SLCO6A1: variants seen among roughly 807,000 people sequenced by gnomAD.
SLCO6A1 encodes the protein cancer/testis antigen 48.
In SLCO6A1, 65 loss-of-function variants were observed where a neutral mutation model predicts 72.7. The ratio of observed to expected loss-of-function variants is 0.89; its 90% CI spans 0.73 to 1.10. The LOEUF (loss-of-function observed/expected upper bound fraction) is 1.10, where lower values mean the gene tolerates loss of function less well. Among genes scored for constraint, SLCO6A1 ranks in the 50% least tolerant of loss-of-function variants. The probability of loss-of-function intolerance (pLI) is 0.00; values close to 1 mark genes in which losing one functional copy is unlikely to be tolerated. For missense variants in SLCO6A1, 874 were observed against 872.6 expected (o/e 1.00, Z -0.02); for synonymous variants, 314 against 298.2 (o/e 1.05, Z -0.55).
intron 1 of SLCO6A1, among the ~76,000 whole-genome samples, chr5:102,485,253 AAAATAAATAAATAAATAAATAAAT>A: frequency 6.9e-6 from 1 of 145,286 alleles, no homozygotes; most frequent in South Asian, 2.2e-4. Flanking sequence ...CTCCATCTCA[AAAATAAATAAATAAATAAATAAAT>A]AAATAAATAA....
chr5:102,430,670 C>G (rs1044074501), intron 7 of SLCO6A1, among the ~76,000 whole-genome samples: 1 of 152,012 alleles, frequency 6.6e-6, no homozygotes, highest in Non-Finnish European at 1.5e-5. Flanking sequence ...GGTGGATTAG[C>G]TTTTGATGTA....
chr5:102,458,408 T>C lies in SLCO6A1; in HGVS notation c.1105A>G (p.Ile369Val), dbSNP rs560873728. The change falls in exon 6 of 14, where the codon ATC becomes GTC. Residue 369 changes from isoleucine (I) to valine (V), a missense_variant. By Grantham distance (29) the Ile-to-Val change is conservative. Transcript: ENST00000506729. ...CAAAGAGCAGCACATAAATCCTTGA[T>C]ATTAGTTCCAAGTTTCAGATCTTTA... ...RLKDLKLGTN[I>V]KDLCAALWIL... 272 of 1,612,360 alleles carry C rather than the reference T, an allele frequency of 1.7e-4. 2 individuals carry two copies. In the South Asian group the frequency reaches 2.0e-3, roughly 12 times the overall value.
intron 9 of SLCO6A1, among the ~76,000 whole-genome samples, chr5:102,408,498 A>T (rs925903925): frequency 1.3e-5 from 2 of 152,204 alleles, no homozygotes; most frequent in African/African-American, 4.8e-5. Flanking sequence ...GCCACATCAA[A>T]GTAAAACTTC....
Position 102,452,369 on chromosome 5 carries a change from C to CT in SLCO6A1, c.1131+6012dup, listed in dbSNP as rs544701546. 2.7e-3 allele frequency among the ~76,000 whole-genome samples: 404 copies of CT among 152,038 alleles called. 5 individuals carry two copies. The highest frequency in any genetic ancestry group is 7.3e-3 in the African/African-American group (302 of 41,528). ...AACCTCCAAACTTTATGTTTTTATT[C>CT]TTTTTTTAAATATTTCTAATCCATT... On this transcript the variant is annotated intron_variant, in intron 6 of 13. Coordinates refer to ENST00000506729, the MANE Select transcript of SLCO6A1 (RefSeq NM_173488.5).
intron 12 of SLCO6A1, among the ~76,000 whole-genome samples, chr5:102,384,393 CTGT>C (rs1225929158): frequency 4.6e-5 from 7 of 152,078 alleles, no homozygotes; most frequent in African/African-American, 1.7e-4. Context: ...TTTTCTGACT[CTGT>C]TGTTTTCCTA....
chr5:102,423,593 C>T (rs982364734), intron 7 of SLCO6A1, among the ~76,000 whole-genome samples: 7 of 152,128 alleles, frequency 4.6e-5, no homozygotes, highest in Non-Finnish European at 1.0e-4. Context: ...TATATATGCA[C>T]CCAATACAAG....
At chr5:102,468,978 A>G (rs1179626947) in intron 4 of SLCO6A1, among the ~76,000 whole-genome samples, 1 of 151,868 alleles carries the variant, frequency 6.6e-6, no homozygotes, top group Admixed American at 6.6e-5. Context: ...GTAGATGTGT[A>G]GTGTTATTTC....
At chr5:102,492,597 A>C (rs543541011) in intron 1 of SLCO6A1, among the ~76,000 whole-genome samples, 8 of 152,244 alleles carry the variant, frequency 5.3e-5, no homozygotes, top group South Asian at 2.1e-4. Context: ...GCATTGCCTC[A>C]CCTGGGAAGT....
At chr5:102,388,376 C>G (rs1746534199) in intron 12 of SLCO6A1, among the ~76,000 whole-genome samples, 1 of 151,686 alleles carries the variant, frequency 6.6e-6, no homozygotes, top group South Asian at 2.1e-4. Flanking sequence ...TTGAAAGAGT[C>G]TCACTCTGTC....
intron 6 of SLCO6A1, among the ~76,000 whole-genome samples, chr5:102,454,977 G>C (rs549742550): frequency 1.1e-3 from 149 of 133,678 alleles, no homozygotes; most frequent in African/African-American, 4.6e-3. Flanking sequence ...ATTTGTTTTA[G>C]GATTAAACCA....
At position 102,458,382 on chromosome 5, in the gene SLCO6A1, C is replaced by T. The variant is rs1272515766; in HGVS notation, c.1131G>A (p.Trp377Ter). 2.5e-6 allele frequency: 4 copies of T among 1,597,950 alleles called. No homozygotes were observed. The highest frequency in any genetic ancestry group is 1.3e-5 in the African/African-American group (1 of 74,120). The change falls in exon 6 of 14, where the codon TGG becomes TGA. Residue 377 changes from tryptophan (W) to a stop codon, truncating the protein, a stop_gained and splice_region_variant. Coordinates refer to ENST00000506729, the MANE Select transcript of SLCO6A1 (RefSeq NM_173488.5). LOFTEE classifies it high-confidence loss of function. The stretch of plus-strand genomic sequence containing the variant: ...GTTCAAGTAAAATATTTTACTTTAC[C>T]CAAAGAGCAGCACATAAATCCTTGA... ...TNIKDLCAAL[W>*]ILMKNPVLIC...
chr5:102,481,489 C>T (rs901319782), intron 1 of SLCO6A1, among the ~76,000 whole-genome samples: 2 of 152,164 alleles, frequency 1.3e-5, no homozygotes, highest in Admixed American at 1.3e-4. Flanking sequence ...TCACTTGCAG[C>T]ATGTAAGTCG....
At chr5:102,479,782 T>C (rs761892013) in intron 2 of SLCO6A1, among the ~76,000 whole-genome samples, 14 of 152,174 alleles carry the variant, frequency 9.2e-5, no homozygotes, top group Non-Finnish European at 1.5e-4. Flanking sequence ...AAATCCCACT[T>C]TGAGTTCATG....
chr5:102,401,102 T>C (rs1747374627), intron 9 of SLCO6A1, among the ~76,000 whole-genome samples: 1 of 151,944 alleles, frequency 6.6e-6, no homozygotes, highest in Non-Finnish European at 1.5e-5. Flanking sequence ...CAGAGAATGT[T>C]TTGATGATGA....
chr5:102,455,027 T>TATAA (rs144619414), intron 6 of SLCO6A1, among the ~76,000 whole-genome samples: 2 of 141,818 alleles, frequency 1.4e-5, no homozygotes, highest in African/African-American at 5.4e-5. Flanking sequence ...TATATATATA[T>TATAA]AAATTATGTT....
intron 7 of SLCO6A1, among the ~76,000 whole-genome samples, chr5:102,422,323 C>T (rs1239616595): frequency 6.6e-6 from 1 of 152,136 alleles, no homozygotes; most frequent in Non-Finnish European, 1.5e-5. Context: ...TAACAAACTC[C>T]TCTGAGCTAA....
intron 1 of SLCO6A1, among the ~76,000 whole-genome samples, chr5:102,498,253 C>A (rs1752997504): frequency 6.6e-6 from 1 of 152,228 alleles, no homozygotes; most frequent in Non-Finnish European, 1.5e-5. Flanking sequence ...TTCTCCATGG[C>A]AATTCCCCTT....
At chr5:102,442,946 C>G (rs1749922300) in intron 6 of SLCO6A1, among the ~76,000 whole-genome samples, 1 of 152,232 alleles carries the variant, frequency 6.6e-6, no homozygotes. Context: ...GCCTGTAATC[C>G]CAACACTTTG....
At chr5:102,497,473 G>A (rs1260301429) in intron 1 of SLCO6A1, among the ~76,000 whole-genome samples, 2 of 152,206 alleles carry the variant, frequency 1.3e-5, no homozygotes, top group Non-Finnish European at 2.9e-5. Flanking sequence ...CCTCTCTGCA[G>A]CTGGCTATCT....
Sources: allele counts gnomAD v4.1 joint callset (sites outside exome capture counted in the v4.1 genomes callset), GRCh38; gene constraint gnomAD v4.1.1; transcripts MANE v1.5; gene names NCBI Gene and HGNC (gene_info 2026-07-23, HGNC 2026-07-21).